NKAIN2: variants seen among roughly 807,000 people sequenced by gnomAD.
NKAIN2 encodes sodium/potassium transporting ATPase interacting 2, also known as sodium/potassium-transporting ATPase subunit beta-1-interacting protein 2.
A neutral mutation model predicts 32.6 loss-of-function variants in NKAIN2; 14 were observed. That is an observed-to-expected ratio of 0.43 (90% CI 0.28 to 0.67). The LOEUF (loss-of-function observed/expected upper bound fraction) is 0.67, where lower values mean the gene tolerates loss of function less well. NKAIN2 is among the 30% of genes least tolerant of loss of function. NKAIN2 has a pLI of 0.17. For synonymous variants in NKAIN2, 80 were observed against 87.2 expected (o/e 0.92, Z 0.46); for missense variants, 198 against 258.3 (o/e 0.77, Z 1.60).
At chr6:124,710,516 G>A (rs1193884711) in intron 4 of NKAIN2, among the ~76,000 whole-genome samples, 11 of 152,104 alleles carry the variant, frequency 7.2e-5, no homozygotes, top group Non-Finnish European at 1.6e-4. Context: ...GGGTGCTCCT[G>A]TATTGGGTGC....
chr6:123,999,660 CT>C (rs1276044340), intron 1 of NKAIN2, among the ~76,000 whole-genome samples: 5 of 152,078 alleles, frequency 3.3e-5, no homozygotes, highest in African/African-American at 1.2e-4. Flanking sequence ...AAATATAGTA[CT>C]GCTTTTATTT....
At chr6:124,009,900 G>T (rs1359908388) in intron 1 of NKAIN2, among the ~76,000 whole-genome samples, 1 of 152,050 alleles carries the variant, frequency 6.6e-6, no homozygotes, top group Non-Finnish European at 1.5e-5. Flanking sequence ...TGTATAAAAT[G>T]TGTATATATA....
chr6:124,747,339 T>G (rs1644859090), intron 4 of NKAIN2, among the ~76,000 whole-genome samples: 1 of 151,920 alleles, frequency 6.6e-6, no homozygotes, highest in African/African-American at 2.4e-5. Context: ...TCAGAGCCAA[T>G]TAATCAGAAA....
chr6:124,094,087 A>G (rs1784546618), intron 1 of NKAIN2, among the ~76,000 whole-genome samples: 1 of 152,154 alleles, frequency 6.6e-6, no homozygotes, highest in African/African-American at 2.4e-5. Flanking sequence ...ACAAAACAAA[A>G]CAAAAATAAT....
chr6:124,752,670 G>C (rs1480787038), intron 4 of NKAIN2, among the ~76,000 whole-genome samples: 2 of 151,952 alleles, frequency 1.3e-5, no homozygotes, highest in African/African-American at 4.8e-5. Flanking sequence ...AGGTAACTTG[G>C]CTAGACTTGT....
At chr6:124,214,666 A>G (rs1030819872) in intron 1 of NKAIN2, among the ~76,000 whole-genome samples, 2 of 152,176 alleles carry the variant, frequency 1.3e-5, no homozygotes, top group Non-Finnish European at 2.9e-5. Context: ...ATGCCACTGC[A>G]TTCCATCCTG....
chr6:124,636,949 C>A (rs1783794084), intron 3 of NKAIN2, among the ~76,000 whole-genome samples: 1 of 152,012 alleles, frequency 6.6e-6, no homozygotes, highest in African/African-American at 2.4e-5. Context: ...TTCATCTATG[C>A]ATTTATGTGC....
At chr6:124,745,637 A>G (rs1219227782) in intron 4 of NKAIN2, among the ~76,000 whole-genome samples, 2 of 151,874 alleles carry the variant, frequency 1.3e-5, no homozygotes, top group Non-Finnish European at 2.9e-5. Context: ...CTGTTTAACC[A>G]CCAAATCTAG....
chr6:124,492,658 T>C (rs1255433758), intron 3 of NKAIN2, among the ~76,000 whole-genome samples: 4 of 152,042 alleles, frequency 2.6e-5, no homozygotes, highest in African/African-American at 9.7e-5. Flanking sequence ...TTTAAATGAA[T>C]GTATTATTAT....
chr6:123,909,007 T>G (rs1162653049), intron 1 of NKAIN2, among the ~76,000 whole-genome samples: 2 of 152,228 alleles, frequency 1.3e-5, no homozygotes, highest in Non-Finnish European at 2.9e-5. Flanking sequence ...AAATTCAGCA[T>G]GTGGAGAACA....
intron 4 of NKAIN2, among the ~76,000 whole-genome samples, chr6:124,760,022 C>G (rs1239714978): frequency 1.3e-5 from 2 of 151,994 alleles, no homozygotes; most frequent in Non-Finnish European, 2.9e-5. Context: ...ACCTAGTTGA[C>G]TGTGTAACAG....
intron 1 of NKAIN2, among the ~76,000 whole-genome samples, chr6:124,233,642 T>G (rs1272078053): frequency 6.6e-6 from 1 of 152,184 alleles, no homozygotes; most frequent in Non-Finnish European, 1.5e-5. Flanking sequence ...CTTTAAGATA[T>G]GTTATACATT....
chr6:124,329,323 A>G lies in NKAIN2; in HGVS notation c.193-25944A>G, dbSNP rs144766826. On this transcript the variant is annotated intron_variant, in intron 2 of 6. Coordinates refer to ENST00000368417, the MANE Select transcript of NKAIN2 (RefSeq NM_001040214.3). ...CCAAACATATTCTTTTCTGGACCCA[A>G]TGATGATCAGGATCTATTACTTCTG... Among the ~76,000 whole-genome samples the G allele has an allele frequency of 7.9e-5, 12 of 152,332 alleles. No individual in the cohort carries two copies. The East Asian group carries it at 1.4e-3, about 17-fold the overall frequency.
chr6:123,898,272 C>A (rs1774380808), intron 1 of NKAIN2, among the ~76,000 whole-genome samples: 1 of 152,164 alleles, frequency 6.6e-6, no homozygotes, highest in Non-Finnish European at 1.5e-5. Flanking sequence ...GAGCTGCCAT[C>A]ACATCAGATA....
At chr6:123,885,156 C>T (rs568968466) in intron 1 of NKAIN2, among the ~76,000 whole-genome samples, 14 of 152,196 alleles carry the variant, frequency 9.2e-5, no homozygotes, top group African/African-American at 3.4e-4. Context: ...TTTTTGTATG[C>T]ATATTTATCC....
intron 3 of NKAIN2, among the ~76,000 whole-genome samples, chr6:124,459,599 A>C (rs915644713): frequency 6.6e-6 from 1 of 151,818 alleles, no homozygotes; most frequent in African/African-American, 2.4e-5. Flanking sequence ...TTGCTCTGTA[A>C]GTTTGTCTTA....
intron 1 of NKAIN2, among the ~76,000 whole-genome samples, chr6:123,846,304 C>A (rs1582640191): frequency 6.6e-6 from 1 of 152,244 alleles, no homozygotes; most frequent in African/African-American, 2.4e-5. Context: ...AAGGATTTTT[C>A]CCCTTCCTGC....
chr6:124,182,774 G>A (rs802291), intron 1 of NKAIN2, among the ~76,000 whole-genome samples: 135,563 of 152,146 alleles, frequency 0.89, 60,446 homozygotes, highest in South Asian at 0.94. Flanking sequence ...ATAAACATTG[G>A]TATTGGACAT....
chr6:124,347,829 T>C (rs572477690), intron 2 of NKAIN2, among the ~76,000 whole-genome samples: 3 of 152,378 alleles, frequency 2.0e-5, no homozygotes, highest in Admixed American at 2.0e-4. Context: ...CCTTCTTCTC[T>C]GCACTCGTCA....
Sources: allele counts gnomAD v4.1 joint callset (sites outside exome capture counted in the v4.1 genomes callset), GRCh38; gene constraint gnomAD v4.1.1; transcripts MANE v1.5; gene names NCBI Gene and HGNC (gene_info 2026-07-23, HGNC 2026-07-21).